Variants in NKAIN2 observed in about 807,000 individuals in gnomAD.
NKAIN2 encodes sodium/potassium transporting ATPase interacting 2.
NKAIN2 carries 14 observed loss-of-function variants against 32.6 expected under a neutral mutation model. The observed-to-expected ratio is 0.43, with a 90% CI of 0.28 to 0.67. The LOEUF (loss-of-function observed/expected upper bound fraction) is 0.67, where lower values mean the gene tolerates loss of function less well. NKAIN2 is among the 30% of genes least tolerant of loss of function. The pLI is 0.17. For missense variants in NKAIN2, 198 were observed against 258.3 expected (o/e 0.77, Z 1.60); for synonymous variants, 80 against 87.2 (o/e 0.92, Z 0.46).
chr6:124,567,265 G>T (rs140444523), intron 3 of NKAIN2, among the ~76,000 whole-genome samples: 3 of 152,232 alleles, frequency 2.0e-5, no homozygotes, highest in East Asian at 1.9e-4. Context: ...CACACAGGAC[G>T]CATGACTATT....
At chr6:124,236,169 A>G (rs999805666) in intron 1 of NKAIN2, among the ~76,000 whole-genome samples, 1 of 152,144 alleles carries the variant, frequency 6.6e-6, no homozygotes. Context: ...ATTTTTCTCA[A>G]CAATTATTAA....
intron 3 of NKAIN2, among the ~76,000 whole-genome samples, chr6:124,472,803 G>A (rs1018960673): frequency 6.6e-6 from 1 of 151,004 alleles, no homozygotes; most frequent in East Asian, 1.9e-4. Context: ...TTTATTTTTA[G>A]TCTAGTAGAT....
chr6:123,935,045 G>A (rs971988719), intron 1 of NKAIN2, among the ~76,000 whole-genome samples: 12 of 145,194 alleles, frequency 8.3e-5, no homozygotes, highest in Non-Finnish European at 1.7e-4. Flanking sequence ...AGATATAATT[G>A]AAATATATAT....
chr6:124,650,311 A>T (rs1219021353), intron 3 of NKAIN2, among the ~76,000 whole-genome samples: 1 of 152,176 alleles, frequency 6.6e-6, no homozygotes, highest in Non-Finnish European at 1.5e-5. Flanking sequence ...TCAGGGTACA[A>T]GGTTAATATG....
intron 1 of NKAIN2, among the ~76,000 whole-genome samples, chr6:123,925,210 C>A (rs1172566033): frequency 6.6e-6 from 1 of 151,988 alleles, no homozygotes; most frequent in Admixed American, 6.6e-5. Context: ...ATATGACCTG[C>A]AGTAAAAAGA....
At chr6:124,477,360 G>A (rs1777261047) in intron 3 of NKAIN2, among the ~76,000 whole-genome samples, 1 of 152,134 alleles carries the variant, frequency 6.6e-6, no homozygotes, top group Non-Finnish European at 1.5e-5. Flanking sequence ...GAGGGAGAAG[G>A]GAGATGGGCC....
At chr6:124,236,728 C>T (rs778048434) in intron 1 of NKAIN2, among the ~76,000 whole-genome samples, 2 of 152,008 alleles carry the variant, frequency 1.3e-5, no homozygotes, top group African/African-American at 2.4e-5. Context: ...GTATAAAAGG[C>T]AACTCGGATG....
At chr6:124,400,650 AAAG>A (rs1465807204) in intron 3 of NKAIN2, among the ~76,000 whole-genome samples, 1 of 152,200 alleles carries the variant, frequency 6.6e-6, no homozygotes, top group Non-Finnish European at 1.5e-5. Context: ...TCTCTTCAAA[AAAG>A]AAGATTCTAA....
At chr6:124,512,419 G>A (rs975021908) in intron 3 of NKAIN2, among the ~76,000 whole-genome samples, 4 of 152,070 alleles carry the variant, frequency 2.6e-5, no homozygotes, top group Non-Finnish European at 5.9e-5. Flanking sequence ...AAGGAGGAAG[G>A]AAAAAGACCC....
chr6:124,522,029 G>A (rs1779136476), intron 3 of NKAIN2, among the ~76,000 whole-genome samples: 1 of 151,982 alleles, frequency 6.6e-6, no homozygotes, highest in Non-Finnish European at 1.5e-5. Context: ...ACCCTACCGG[G>A]TATTTGAACT....
At chr6:124,596,020 C>T (rs1052666975) in intron 3 of NKAIN2, among the ~76,000 whole-genome samples, 3 of 152,096 alleles carry the variant, frequency 2.0e-5, no homozygotes, top group African/African-American at 4.8e-5. Flanking sequence ...CACATTACCT[C>T]CTGGAGGCTG....
At chr6:124,790,487 A>G (rs1582528276) in intron 4 of NKAIN2, among the ~76,000 whole-genome samples, 1 of 152,092 alleles carries the variant, frequency 6.6e-6, no homozygotes. Context: ...CTTCATCACT[A>G]TTTTGAGGAC....
intron 3 of NKAIN2, among the ~76,000 whole-genome samples, chr6:124,421,309 G>A (rs1278671545): frequency 3.9e-5 from 6 of 152,068 alleles, no homozygotes; most frequent in African/African-American, 1.4e-4. Flanking sequence ...TAAGATGAAA[G>A]ATGGTTTATA....
chr6:124,182,855 C>T (rs1233125111), intron 1 of NKAIN2, among the ~76,000 whole-genome samples: 2 of 152,050 alleles, frequency 1.3e-5, no homozygotes, highest in East Asian at 1.9e-4. Flanking sequence ...TATAGGCAAA[C>T]ATACAGATGA....
At chr6:124,131,417 G>C (rs945115938) in intron 1 of NKAIN2, among the ~76,000 whole-genome samples, 3 of 152,336 alleles carry the variant, frequency 2.0e-5, no homozygotes, top group African/African-American at 7.2e-5. Flanking sequence ...AGACAGAACA[G>C]TGTATAGAAA....
chr6:124,233,926 T>C (rs550362817), intron 1 of NKAIN2, among the ~76,000 whole-genome samples: 2 of 152,312 alleles, frequency 1.3e-5, no homozygotes, highest in African/African-American at 2.4e-5. Flanking sequence ...CCCCCATTAG[T>C]AATCAACCCA....
chr6:124,271,776 G>C (rs1794804187), intron 1 of NKAIN2, among the ~76,000 whole-genome samples: 1 of 152,196 alleles, frequency 6.6e-6, no homozygotes, highest in African/African-American at 2.4e-5. Context: ...TATGGACAAT[G>C]AAGTCCAGGC....
rs192837394 is a variant in NKAIN2, at chr6:124,023,978, G to A, written c.54+219724G>A. ...AAGATTTATGTTTAGGGATGTGATAGAACAAAGCATCCTTAAGAATTGTTA... is the reference window on the plus strand; with the variant it reads ...AAGATTTATGTTTAGGGATGTGATAAAACAAAGCATCCTTAAGAATTGTTA... On this transcript the variant is annotated intron_variant, in intron 1 of 6. Transcript: ENST00000368417. Among the ~76,000 whole-genome samples, 718 of 152,100 alleles carry A rather than the reference G, an allele frequency of 4.7e-3. 4 individuals carry two copies. Among genetic ancestry groups the A allele is most frequent in the Non-Finnish European group, 7.1e-3 (481 of 67,982 alleles).
intron 3 of NKAIN2, among the ~76,000 whole-genome samples, chr6:124,401,440 C>T (rs547689859): frequency 6.6e-6 from 1 of 152,256 alleles, no homozygotes; most frequent in South Asian, 2.1e-4. Context: ...CCTTCATTTA[C>T]CCATTGTCTC....
Sources: gnomAD v4.1 joint callset for allele counts (sites outside exome capture counted in the v4.1 genomes callset) on GRCh38, gnomAD v4.1.1 for gene constraint, MANE v1.5 for transcripts, NCBI Gene and HGNC (gene_info 2026-07-23, HGNC 2026-07-21) for gene names.